OR9Q1: variants seen among roughly 807,000 people sequenced by gnomAD.
OR9Q1 encodes olfactory receptor 9Q1.
For missense variants in OR9Q1, 374 were observed against 378.8 expected, an observed-to-expected ratio of 0.99 and a Z score of 0.11; for synonymous variants, 153 against 148.6, an observed-to-expected ratio of 1.03 and a Z score of -0.22.
At chr11:58,047,570 C>G (rs1385315782) in intron 1 of OR9Q1, 3 of 152,018 alleles carry the variant, frequency 2.0e-5, no homozygotes, top group Non-Finnish European at 2.9e-5. Flanking sequence ...TGGAAGATAA[C>G]AGTAAAAAAT....
At chr11:58,054,991 C>T (rs376486113) in intron 1 of OR9Q1, among the ~76,000 whole-genome samples, 2 of 152,160 alleles carry the variant, frequency 1.3e-5, no homozygotes, top group Non-Finnish European at 2.9e-5. Flanking sequence ...GTGTGTTGAA[C>T]TGGGCTATGA....
chr11:58,180,368 G>C lies in OR9Q1; in HGVS notation c.924G>C (p.Lys308Asn), dbSNP rs753769985. 7 of 1,582,582 alleles carry C rather than the reference G, an allele frequency of 4.4e-6. No individual in the cohort carries two copies. In the African/African-American group the frequency reaches 9.4e-5, roughly 21 times the overall value. The change falls in exon 3 of 3, where the codon AAG (lysine) becomes AAC (asparagine). Residue 308 changes from lysine (K) to asparagine (N), a missense_variant. Physicochemically the swap from Lys to Asn is moderately conservative, Grantham distance 94 (BLOSUM62 0). Coordinates refer to ENST00000335397, the MANE Select transcript of OR9Q1 (RefSeq NM_001005212.4). ...EALRKILNRA[K>N]LS The stretch of plus-strand genomic sequence containing the variant: ...TGAGAAAAATTCTCAATAGAGCCAA[G>C]TTGTCCTAACCATCTCCAAACTTGG...
chr11:58,150,257 C>G (rs1854337476), intron 2 of OR9Q1, among the ~76,000 whole-genome samples: 1 of 152,102 alleles, frequency 6.6e-6, no homozygotes, highest in African/African-American at 2.4e-5. Context: ...ACTTATGTAT[C>G]TTCTTGGAGA....
intron 2 of OR9Q1, chr11:58,119,340 G>T: frequency 6.2e-7 from 1 of 1,613,856 alleles, no homozygotes; most frequent in East Asian, 2.2e-5. Flanking sequence ...GGGTGACTAG[G>T]TAGAAACTCA....
chr11:58,151,983 T>G (rs368460377), intron 2 of OR9Q1, among the ~76,000 whole-genome samples: 1 of 152,114 alleles, frequency 6.6e-6, no homozygotes, highest in South Asian at 2.1e-4. Flanking sequence ...ACATAGAGAT[T>G]ATTGAGTTAA....
At chr11:58,135,976 G>A (rs1001525015) in intron 2 of OR9Q1, among the ~76,000 whole-genome samples, 2 of 152,112 alleles carry the variant, frequency 1.3e-5, no homozygotes, top group East Asian at 1.9e-4. Context: ...CAGTGCTTTC[G>A]CTGCCTGAAG....
At chr11:58,137,594 G>A (rs1374278392) in intron 2 of OR9Q1, among the ~76,000 whole-genome samples, 1 of 152,106 alleles carries the variant, frequency 6.6e-6, no homozygotes, top group Non-Finnish European at 1.5e-5. Context: ...GGCATAGAAA[G>A]GTACTCACTG....
At chr11:58,032,203 A>G (rs1485855410) in intron 1 of OR9Q1, among the ~76,000 whole-genome samples, 2 of 152,218 alleles carry the variant, frequency 1.3e-5, no homozygotes, top group African/African-American at 2.4e-5. Flanking sequence ...CGCAGATTCA[A>G]TGCTATTCCT....
At chr11:58,087,340 A>T (rs1853643735) in intron 2 of OR9Q1, among the ~76,000 whole-genome samples, 1 of 151,726 alleles carries the variant, frequency 6.6e-6, no homozygotes, top group Non-Finnish European at 1.5e-5. Context: ...TGATTAGTTT[A>T]CTTGCTTTTT....
intron 1 of OR9Q1, among the ~76,000 whole-genome samples, chr11:58,030,002 G>A (rs1853014979): frequency 6.6e-6 from 1 of 151,824 alleles, no homozygotes; most frequent in South Asian, 2.1e-4. Context: ...CCACCACGCT[G>A]GGCTAACTTT....
At chr11:58,152,461 G>C (rs1011809284) in intron 2 of OR9Q1, among the ~76,000 whole-genome samples, 5 of 152,110 alleles carry the variant, frequency 3.3e-5, no homozygotes, top group Non-Finnish European at 7.3e-5. Context: ...TATTTACTTG[G>C]AAATTACCTC....
At chr11:58,120,825 T>TATATATATATATAC (rs1404403230) in intron 2 of OR9Q1, among the ~76,000 whole-genome samples, 1 of 141,730 alleles carries the variant, frequency 7.1e-6, no homozygotes, top group African/African-American at 2.5e-5. Flanking sequence ...TATATATATA[T>TATATATATATATAC]ATACATATAT....
At chr11:58,138,756 C>CT (rs1171160973) in intron 2 of OR9Q1, among the ~76,000 whole-genome samples, 1 of 152,230 alleles carries the variant, frequency 6.6e-6, no homozygotes, top group East Asian at 1.9e-4. Flanking sequence ...TATCTATCAC[C>CT]TCACTTAGCA....
At chr11:58,087,748 A>G (rs185450335) in intron 2 of OR9Q1, among the ~76,000 whole-genome samples, 3 of 148,864 alleles carry the variant, frequency 2.0e-5, no homozygotes, top group Admixed American at 1.3e-4. Context: ...CCGGTGTGTG[A>G]GGTTCCCCTC....
intron 2 of OR9Q1, among the ~76,000 whole-genome samples, chr11:58,167,927 G>A (rs1207470747): frequency 1.3e-5 from 2 of 152,142 alleles, no homozygotes; most frequent in African/African-American, 4.8e-5. Flanking sequence ...ATTCAAGGGT[G>A]GGGAAATAGA....
intron 2 of OR9Q1, among the ~76,000 whole-genome samples, chr11:58,106,305 T>C (rs1422085747): frequency 6.6e-6 from 1 of 152,098 alleles, no homozygotes; most frequent in Non-Finnish European, 1.5e-5. Flanking sequence ...TTTGTATAGA[T>C]ATATATTCAG....
chr11:58,120,823 T>TATATATATATATATAC (rs1854023678), intron 2 of OR9Q1, among the ~76,000 whole-genome samples: 1 of 147,482 alleles, frequency 6.8e-6, no homozygotes, highest in South Asian at 2.1e-4. Context: ...TATATATATA[T>TATATATATATATATAC]ATATACATAT....
At chr11:58,122,374 T>G (rs1854042359) in intron 2 of OR9Q1, among the ~76,000 whole-genome samples, 1 of 152,216 alleles carries the variant, frequency 6.6e-6, no homozygotes, top group Non-Finnish European at 1.5e-5. Flanking sequence ...GGTTGTCACC[T>G]CTATGACAGG....
intron 2 of OR9Q1, among the ~76,000 whole-genome samples, chr11:58,154,045 AC>A (rs1385208478): frequency 2.0e-5 from 3 of 151,962 alleles, no homozygotes; most frequent in Non-Finnish European, 4.4e-5. Flanking sequence ...TAAAGAAGTG[AC>A]AATGGAGAGA....
Sources: gnomAD v4.1 joint callset for allele counts (sites outside exome capture counted in the v4.1 genomes callset) on GRCh38, gnomAD v4.1.1 for gene constraint, MANE v1.5 for transcripts, NCBI Gene and HGNC (gene_info 2026-07-23, HGNC 2026-07-21) for gene names.